IPO11: variants seen among roughly 807,000 people sequenced by gnomAD.
IPO11 encodes the protein importin-11.
Under a neutral mutation model 143.2 loss-of-function variants are expected in IPO11, and 66 were observed. The ratio of observed to expected loss-of-function variants is 0.46; its 90% confidence interval spans 0.38 to 0.57. The LOEUF is 0.57. IPO11 is among the 20% of genes least tolerant of loss of function. The probability of loss-of-function intolerance (pLI) is 0.00; values close to 1 mark genes in which losing one functional copy is unlikely to be tolerated. For synonymous variants in IPO11, 385 were observed against 377.8 expected (o/e 1.02, Z -0.22); for missense variants, 1,026 against 1,141.0 (o/e 0.90, Z 1.45).
At chr5:62,538,337 A>G (rs1013648833) in intron 24 of IPO11, among the ~76,000 whole-genome samples, 1 of 152,310 alleles carries the variant, frequency 6.6e-6, no homozygotes, top group Non-Finnish European at 1.5e-5. Context: ...CATAACTGAT[A>G]TGGTTAGGCT....
chr5:62,446,865 A>G lies in IPO11; in HGVS notation c.240-3062A>G, dbSNP rs189898470. The stretch of plus-strand genomic sequence containing the variant: ...AAGCCTGTACTCCCAGCTACTGAAC[A>G]GGCTGAGGCAGGAGAATCTCGAACC... On this transcript the variant is annotated intron_variant, in intron 3 of 29. Coordinates refer to ENST00000325324, the MANE Select transcript of IPO11 (RefSeq NM_016338.5). Among the ~76,000 whole-genome samples the G allele has an allele frequency of 6.6e-3, 997 of 152,092 alleles. 13 individuals carry two copies. The highest frequency in any genetic ancestry group is 0.021 in the African/African-American group (854 of 41,476).
chr5:62,446,502 T>G (rs966672120), intron 3 of IPO11, among the ~76,000 whole-genome samples: 9 of 152,250 alleles, frequency 5.9e-5, no homozygotes, highest in African/African-American at 1.9e-4. Flanking sequence ...GTAATTTTAG[T>G]TTGCATTTTC....
chr5:62,571,990 TA>T (rs1192190609), intron 27 of IPO11, among the ~76,000 whole-genome samples: 3 of 152,156 alleles, frequency 2.0e-5, no homozygotes, highest in Non-Finnish European at 4.4e-5. Context: ...CCGGCCTTAT[TA>T]AACCTTTTAA....
intron 24 of IPO11, among the ~76,000 whole-genome samples, chr5:62,542,756 T>G (rs1354366789): frequency 6.6e-6 from 1 of 152,166 alleles, no homozygotes; most frequent in African/African-American, 2.4e-5. Context: ...TATAAAATAC[T>G]CTAAATTGTT....
intron 1 of IPO11, among the ~76,000 whole-genome samples, chr5:62,422,133 T>C (rs1470627270): frequency 6.6e-6 from 1 of 152,182 alleles, no homozygotes; most frequent in Non-Finnish European, 1.5e-5. Flanking sequence ...GGAACTTTAT[T>C]TATTTATTTT....
At chr5:62,523,280 G>A (rs910299778) in intron 20 of IPO11, among the ~76,000 whole-genome samples, 1 of 152,080 alleles carries the variant, frequency 6.6e-6, no homozygotes, top group African/African-American at 2.4e-5. Context: ...TATTGAAACT[G>A]TTCCTCTGTT....
Position 62,628,555 on chromosome 5 carries a change from C to T in IPO11, c.*1237C>T, listed in dbSNP as rs1746662527. On this transcript the variant is annotated 3_prime_UTR_variant, in exon 30 of 30. Coordinates refer to ENST00000325324, the MANE Select transcript of IPO11 (RefSeq NM_016338.5). The stretch of plus-strand genomic sequence containing the variant: ...TTCAGAAAGAGGAAGAAAATATGGT[C>T]CAAATTAAATTTTCCAAAGATACCT... The T allele has an allele frequency of 6.6e-6, 1 of 152,512 alleles. No individual in the cohort carries two copies. 9.4% of individuals were successfully genotyped at this position (152,512 alleles called of 1,614,324 possible). A position where few individuals can be genotyped will look rare whatever the true frequency, so the allele number is the denominator to read the frequency against.
At position 62,591,685 on chromosome 5, in the gene IPO11, TTTAA is replaced by T. The variant is rs1238375665; in HGVS notation, c.2678+19_2678+22del. The stretch of plus-strand genomic sequence containing the variant: ...GAACTTATAAAGAGTAGGTGCATTA[TTTAA>T]TTAATCATAATTGGACTTGGGGGAT... On this transcript the variant is annotated intron_variant, in intron 28 of 29. Transcript: ENST00000325324. The T allele has an allele frequency of 1.3e-6, 2 of 1,547,130 alleles. No individual in the cohort carries two copies. The highest frequency in any genetic ancestry group is 1.8e-6 in the Non-Finnish European group (2 of 1,133,252).
At chr5:62,417,277 GA>G (rs1271743084) in intron 1 of IPO11, among the ~76,000 whole-genome samples, 2 of 132,970 alleles carry the variant, frequency 1.5e-5, no homozygotes, top group African/African-American at 5.7e-5. Context: ...TAAGTTTCTT[GA>G]AAGAATTCTC....
At chr5:62,544,306 A>G (rs887776145) in intron 24 of IPO11, among the ~76,000 whole-genome samples, 3 of 152,194 alleles carry the variant, frequency 2.0e-5, no homozygotes, top group Non-Finnish European at 4.4e-5. Context: ...AACATACACA[A>G]ATCAATAAAT....
At chr5:62,505,656 C>T (rs554404063) in intron 18 of IPO11, among the ~76,000 whole-genome samples, 34 of 151,956 alleles carry the variant, frequency 2.2e-4, no homozygotes, top group Non-Finnish European at 3.7e-4. Flanking sequence ...AAGTTTCTAA[C>T]GTAATTTTCA....
intron 27 of IPO11, among the ~76,000 whole-genome samples, chr5:62,576,999 C>A (rs2112394757): frequency 6.6e-6 from 1 of 152,266 alleles, no homozygotes; most frequent in South Asian, 2.1e-4. Flanking sequence ...CTCAATGAGT[C>A]AATTTCCTGG....
intron 27 of IPO11, among the ~76,000 whole-genome samples, chr5:62,570,403 C>T (rs1358044514): frequency 2.0e-5 from 3 of 152,114 alleles, no homozygotes; most frequent in Non-Finnish European, 4.4e-5. Flanking sequence ...TTTTGGTTTT[C>T]ATTTTTAATA....
chr5:62,506,691 C>G (rs1250947148), intron 19 of IPO11, among the ~76,000 whole-genome samples: 1 of 152,080 alleles, frequency 6.6e-6, no homozygotes, highest in Non-Finnish European at 1.5e-5. Flanking sequence ...CTGGGAAAGT[C>G]TGTTATTTTT....
intron 1 of IPO11, among the ~76,000 whole-genome samples, chr5:62,424,428 C>T (rs1005457015): frequency 4.0e-5 from 6 of 151,730 alleles, no homozygotes; most frequent in Non-Finnish European, 8.8e-5. Flanking sequence ...TGTGAGCCAT[C>T]GCGCCTGGCT....
chr5:62,504,646 TAATGATATA>T lies in IPO11; in HGVS notation c.1591-20_1591-12del. 7.3e-7 allele frequency: 1 copy of T among 1,373,536 alleles called. No individual in the cohort carries two copies. Among genetic ancestry groups the T allele is most frequent in the Non-Finnish European group, 1.0e-6 (1 of 995,664 alleles). 85.1% of individuals were successfully genotyped at this position (1,373,536 alleles called of 1,614,324 possible). A position where few individuals can be genotyped will look rare whatever the true frequency, so the allele number is the denominator to read the frequency against. On this transcript the variant is annotated splice_polypyrimidine_tract_variant and intron_variant, in intron 16 of 29. Transcript: ENST00000325324. The stretch of plus-strand genomic sequence containing the variant: ...TAGTCATTCTAAAATAATTAAAAAC[TAATGATATA>T]CTTTCTTTTAGGTCCGTATTGAAAC...
At chr5:62,422,624 A>T (rs1743554234) in intron 1 of IPO11, 1 of 152,104 alleles carries the variant, frequency 6.6e-6, no homozygotes, top group African/African-American at 2.4e-5. Flanking sequence ...TTAGGGGGAG[A>T]TTAGTCACGG....
intron 27 of IPO11, among the ~76,000 whole-genome samples, chr5:62,569,854 A>G (rs796426573): frequency 8.6e-4 from 131 of 152,314 alleles, no homozygotes; most frequent in African/African-American, 2.9e-3. Context: ...TAATCTTTAC[A>G]TTATGTATGT....
intron 12 of IPO11, among the ~76,000 whole-genome samples, chr5:62,487,476 A>T (rs975851026): frequency 1.3e-5 from 2 of 152,104 alleles, no homozygotes; most frequent in Non-Finnish European, 2.9e-5. Context: ...TTTAAATTTA[A>T]GGTATGATTA....
Sources: gnomAD v4.1 joint callset for allele counts (sites outside exome capture counted in the v4.1 genomes callset) on GRCh38, gnomAD v4.1.1 for gene constraint, MANE v1.5 for transcripts, NCBI Gene and HGNC (gene_info 2026-07-23, HGNC 2026-07-21) for gene names.